SLC25A24: variants seen among roughly 807,000 people sequenced by gnomAD.
The protein encoded by SLC25A24 is solute carrier family 25 member 24, also known as mitochondrial adenyl nucleotide antiporter SLC25A24.
SLC25A24 carries 49 observed loss-of-function variants against 60.7 expected under a neutral mutation model. The observed-to-expected ratio is 0.81, with a 90% confidence interval of 0.64 to 1.02. SLC25A24 has a LOEUF of 1.02. Ranked by LOEUF, SLC25A24 falls within the 50% of genes least tolerant of loss-of-function variation. The pLI is 0.00. For synonymous variants in SLC25A24, 202 were observed against 200.6 expected (o/e 1.01, Z -0.06); for missense variants, 564 against 586.3 (o/e 0.96, Z 0.39).
chr1:108,143,836 G>A, intron 7 of SLC25A24, 126 bp from the exon 8 acceptor site: 2 of 744,536 alleles, frequency 2.7e-6, no homozygotes, highest in Non-Finnish European at 4.3e-6. Context: ...TGTACAATTT[G>A]TTGATACATT....
chr1:108,187,927 G>GATATATATATATAT lies in SLC25A24; in HGVS notation c.184-1987_184-1974dup, dbSNP rs57513025. Among the ~76,000 whole-genome samples, 436 of 95,766 alleles carry GATATATATATATAT rather than the reference G, an allele frequency of 4.6e-3. 23 individuals carry two copies. Among genetic ancestry groups the GATATATATATATAT allele is most frequent in the African/African-American group, 6.7e-3 (162 of 24,034 alleles). The allele number at this position is 95,766 out of a possible 152,430, so 62.8% of individuals were successfully genotyped here. A position where few individuals can be genotyped will look rare whatever the true frequency, so the allele number is the denominator to read the frequency against. On this transcript the variant is annotated intron_variant, in intron 1 of 9. Coordinates refer to ENST00000565488, the MANE Select transcript of SLC25A24 (RefSeq NM_013386.5). ...TACACGAAATGGATAAGACATTATA[G>GATATATATATATAT]ATATATATATATATATATTCATGCA...
Position 108,180,620 on chromosome 1 carries a change from CTCTCTCTCTCTCT to C in SLC25A24, c.398+1308_398+1320del, listed in dbSNP as rs1647886937. ...ATAATAGAAAGCAAGAGAAAGATCT[CTCTCTCTCTCTCT>C]CTCTCTCTCTCTCTCTCTCTCTCTC... On this transcript the variant is annotated intron_variant, in intron 3 of 9. Coordinates refer to ENST00000565488, the MANE Select transcript of SLC25A24 (RefSeq NM_013386.5). 5.3e-3 allele frequency among the ~76,000 whole-genome samples: 701 copies of C among 131,996 alleles called. 12 individuals are homozygous for C. Among genetic ancestry groups the C allele is most frequent in the African/African-American group, 8.9e-3 (315 of 35,576 alleles). 86.6% of individuals were successfully genotyped at this position (131,996 alleles called of 152,430 possible).
intron 3 of SLC25A24, among the ~76,000 whole-genome samples, chr1:108,173,310 C>T (rs573742265): frequency 6.6e-6 from 1 of 152,256 alleles, no homozygotes; most frequent in East Asian, 1.9e-4. Context: ...TGCTGCTGTT[C>T]TCATGATAGT....
chr1:108,167,342 T>C (rs1041250366), intron 3 of SLC25A24, among the ~76,000 whole-genome samples: 27 of 152,058 alleles, frequency 1.8e-4, no homozygotes, highest in African/African-American at 6.5e-4. Flanking sequence ...CCCGGCTGCT[T>C]TGTTTACCTA....
chr1:108,146,470 C>A (rs199780772), intron 7 of SLC25A24, among the ~76,000 whole-genome samples: 1 of 152,152 alleles, frequency 6.6e-6, no homozygotes, highest in Non-Finnish European at 1.5e-5. Context: ...GGAGTGCTGA[C>A]AGAGGACATC....
At chr1:108,191,714 G>C (rs1220340269) in intron 1 of SLC25A24, among the ~76,000 whole-genome samples, 1 of 139,738 alleles carries the variant, frequency 7.2e-6, no homozygotes, top group Non-Finnish European at 1.6e-5. Context: ...TCAACTGACA[G>C]TTTTTTGGGC....
intron 8 of SLC25A24, among the ~76,000 whole-genome samples, chr1:108,141,146 T>C (rs1256012833): frequency 6.6e-6 from 1 of 152,094 alleles, no homozygotes; most frequent in Non-Finnish European, 1.5e-5. Flanking sequence ...TGGCCATAAT[T>C]ACATCAGACA....
chr1:108,160,269 T>C lies in SLC25A24; in HGVS notation c.510+913A>G, dbSNP rs1223197343. On this transcript the variant is annotated intron_variant, in intron 4 of 9. Transcript: ENST00000565488. ...GCGGGGCAGAGGCGCTCCCCACATC[T>C]CAGACGATGGGCGGCCGGGCAGAGA... is the stretch of plus-strand genomic sequence containing the variant. Among the ~76,000 whole-genome samples the C allele has an allele frequency of 3.6e-4, 51 of 141,690 alleles. 1 individual carries two copies. In the East Asian group the frequency reaches 0.011, roughly 30 times the overall value. 93.0% of individuals were successfully genotyped at this position (141,690 alleles called of 152,430 possible).
intron 1 of SLC25A24, among the ~76,000 whole-genome samples, chr1:108,189,395 A>C (rs1299343126): frequency 2.0e-5 from 3 of 152,202 alleles, no homozygotes; most frequent in African/African-American, 7.2e-5. Context: ...AGCATGATAA[A>C]ATCTCTCAAC....
intron 1 of SLC25A24, among the ~76,000 whole-genome samples, chr1:108,193,573 C>A (rs1648412013): frequency 7.2e-6 from 1 of 139,834 alleles, no homozygotes; most frequent in Non-Finnish European, 1.6e-5. Flanking sequence ...TTTCTTTATC[C>A]AATCTGCTGC....
intron 3 of SLC25A24, among the ~76,000 whole-genome samples, chr1:108,179,490 T>C (rs1338079964): frequency 6.6e-6 from 1 of 152,108 alleles, no homozygotes; most frequent in Non-Finnish European, 1.5e-5. Flanking sequence ...CTATTCACGA[T>C]AGCCAAGATA....
rs1679502444 is a variant in SLC25A24 at position 108,143,481 on chromosome 1, A to G, written c.1098+62T>C. The stretch of plus-strand genomic sequence containing the variant: ...CTGGTATATATCTACTTCTTCATAT[A>G]AAGTCCAATTCTAACAAGATCTAAC... On this transcript the variant is annotated intron_variant, in intron 8 of 9. Transcript: ENST00000565488. The G allele has an allele frequency of 9.4e-6, 13 of 1,377,432 alleles. No individual in the cohort carries two copies. The South Asian group carries it at 1.5e-4, about 16-fold the overall frequency. 85.3% of individuals were successfully genotyped at this position (1,377,432 alleles called of 1,614,324 possible). A position where few individuals can be genotyped will look rare whatever the true frequency, so the allele number is the denominator to read the frequency against.
At position 108,161,231 on chromosome 1, in the gene SLC25A24, T is replaced by G; in HGVS notation, c.461A>C (p.Asn154Thr). ...AATTTCCTCAATGTCTGTAACAGGATTAAATAAGAAGTAGTCTCTCCATTC... is the reference window on the plus strand; with the variant it reads ...AATTTCCTCAATGTCTGTAACAGGAGTAAATAAGAAGTAGTCTCTCCATTC... ...WNEWRDYFLF[N>T]PVTDIEEIIR... Residue 154 changes from asparagine (N) to threonine (T), a missense_variant, in exon 4 of 10, where the codon AAT becomes ACT. Physicochemically the swap from Asn to Thr is moderately conservative, Grantham distance 65 (BLOSUM62 0). Transcript: ENST00000565488. 6.2e-7 allele frequency: 1 copy of G among 1,603,558 alleles called. No homozygotes were observed. The highest frequency in any genetic ancestry group is 8.5e-7 in the Non-Finnish European group (1 of 1,170,968).
intron 8 of SLC25A24, 84 bp from the exon 9 acceptor site, chr1:108,139,292 A>G: frequency 7.3e-7 from 1 of 1,366,174 alleles, no homozygotes; most frequent in Non-Finnish European, 9.9e-7. Context: ...CAACCTCATG[A>G]GAAGCCCCGT....
chr1:108,180,448 T>C (rs1385984611), intron 3 of SLC25A24, among the ~76,000 whole-genome samples: 3 of 152,194 alleles, frequency 2.0e-5, no homozygotes, highest in Non-Finnish European at 4.4e-5. Flanking sequence ...GCATTATCCT[T>C]TGCTATGGAC....
chr1:108,186,359 C>G (rs945647290), intron 1 of SLC25A24, among the ~76,000 whole-genome samples: 6 of 152,058 alleles, frequency 3.9e-5, no homozygotes, highest in Non-Finnish European at 8.8e-5. Context: ...GATTCAAGAC[C>G]AGACTGGACA....
At chr1:108,175,304 GT>G (rs1012180757) in intron 3 of SLC25A24, among the ~76,000 whole-genome samples, 3 of 152,058 alleles carry the variant, frequency 2.0e-5, no homozygotes, top group Admixed American at 2.0e-4. Context: ...TTTTATAAGG[GT>G]TTTTTTCCCT....
chr1:108,155,237 G>A, intron 5 of SLC25A24, 102 bp from the exon 6 acceptor site: 1 of 968,088 alleles, frequency 1.0e-6, no homozygotes, highest in Non-Finnish European at 1.5e-6. Flanking sequence ...CTAACTGCAA[G>A]AAGATATATT....
At position 108,136,838 on chromosome 1, in the gene SLC25A24, C is replaced by T. The variant is rs1245516372; in HGVS notation, c.1250-1G>A. The T allele has an allele frequency of 1.2e-6, 2 of 1,602,214 alleles. No individual in the cohort carries two copies. The highest frequency in any genetic ancestry group is 1.8e-5 in the Admixed American group (1 of 56,808). On this transcript the variant is annotated splice_acceptor_variant, in intron 9 of 9. Coordinates refer to ENST00000565488, the MANE Select transcript of SLC25A24 (RefSeq NM_013386.5). LOFTEE classifies it high-confidence loss of function. ...AGCTGTGGGGAACCTTCTAACATGG[C>T]TAAAAAATAAAAAAAGAGGGTAATT...
Sources: gnomAD v4.1 joint callset for allele counts (sites outside exome capture counted in the v4.1 genomes callset) on GRCh38, gnomAD v4.1.1 for gene constraint, MANE v1.5 for transcripts, NCBI Gene and HGNC (gene_info 2026-07-23, HGNC 2026-07-21) for gene names.